The following GNAS variants were observed in gnomAD, a reference collection of about 807,000 sequenced individuals.
GNAS encodes the protein protein ALEX.
A neutral mutation model predicts 54.5 loss-of-function variants in GNAS; 8 were observed. That is an observed-to-expected ratio of 0.15 (90% CI 0.09 to 0.26). GNAS has a LOEUF of 0.26. GNAS is among the 10% of genes least tolerant of loss of function. GNAS has a pLI of 1.00. For missense variants in GNAS, 170 were observed against 529.8 expected (o/e 0.32, Z 6.67); for synonymous variants, 204 against 191.4 (o/e 1.07, Z -0.54).
chr20:58,859,318 A>G (rs761038218), intron 1 of GNAS, among the ~76,000 whole-genome samples: 4 of 152,116 alleles, frequency 2.6e-5, no homozygotes, highest in Non-Finnish European at 4.4e-5. Flanking sequence ...CACCTGCCTC[A>G]GTCTCCAGAG....
upstream of GNAS, chr20:58,888,456 GCTATATC>G (rs2145844740): frequency 6.6e-6 from 1 of 152,364 alleles, no homozygotes; most frequent in East Asian, 1.9e-4. Context: ...CCCGTGCACT[GCTATATC>G]CTAGTGTGCG....
At chr20:58,888,183 T>C (rs2088728574), upstream of GNAS, among the ~76,000 whole-genome samples, 1 of 152,156 alleles carries the variant, frequency 6.6e-6, no homozygotes, top group South Asian at 2.1e-4. Flanking sequence ...GGAAGACAGT[T>C]TGTGGACTTT....
intron 2 of GNAS, 28 bp downstream of exon 2, chr20:58,895,712 A>G (rs1344032190): frequency 7.8e-7 from 1 of 1,284,200 alleles, no homozygotes; most frequent in African/African-American, 1.5e-5. Context: ...GCAGGGGGGC[A>G]CCAAGTAAGA....
At chr20:58,889,158 CT>C, upstream of GNAS, 1 of 1,215,922 alleles carries the variant, frequency 8.2e-7, no homozygotes, top group Non-Finnish European at 1.1e-6. Context: ...GTTAGAAGCT[CT>C]GCTCCCCGGC....
chr20:58,880,998 C>T (rs2088190210), intron 1 of GNAS, among the ~76,000 whole-genome samples: 1 of 152,100 alleles, frequency 6.6e-6, no homozygotes, highest in Non-Finnish European at 1.5e-5. Context: ...TATGTTATAC[C>T]TAAGATTAAA....
intron 1 of GNAS, chr20:58,852,859 C>T: frequency 3.3e-6 from 1 of 301,824 alleles, no homozygotes; most frequent in East Asian, 6.1e-5. Flanking sequence ...GGCACTGGAA[C>T]CGGCGTCCTC....
At chr20:58,877,862 C>T (rs781649572) in intron 1 of GNAS, among the ~76,000 whole-genome samples, 7 of 152,120 alleles carry the variant, frequency 4.6e-5, no homozygotes, top group Non-Finnish European at 1.0e-4. Flanking sequence ...TTCTGGGCTG[C>T]TAGTGTTTAG....
At chr20:58,897,355 C>T (rs2090160867) in intron 2 of GNAS, 1 of 152,210 alleles carries the variant, frequency 6.6e-6, no homozygotes, top group Admixed American at 6.5e-5. Flanking sequence ...ATAAATTTTC[C>T]CCCTGCAACT....
At position 58,855,421 on chromosome 20, in the gene GNAS, C is replaced by A. The variant is rs909845280; in HGVS notation, c.43+14535C>A. On this transcript the variant is annotated intron_variant, in intron 1 of 12. Coordinates refer to the GNAS transcript ENST00000306090. ...GGGCTGCCTGGTGGGGCTAGGGGCTCCGCAGTGGGAGGAGGGGGTCCAGCC... is the reference window on the plus strand; with the variant it reads ...GGGCTGCCTGGTGGGGCTAGGGGCTACGCAGTGGGAGGAGGGGGTCCAGCC... 3.3e-6 allele frequency: 4 copies of A among 1,218,148 alleles called. No individual in the cohort carries two copies. In the African/African-American group the frequency reaches 4.5e-5, roughly 14 times the overall value. The allele number at this position is 1,218,148 out of a possible 1,614,324, so 75.5% of individuals were successfully genotyped here. A position where few individuals can be genotyped will look rare whatever the true frequency, so the allele number is the denominator to read the frequency against.
At chr20:58,890,258 C>T (rs2089033309), upstream of GNAS, among the ~76,000 whole-genome samples, 1 of 150,532 alleles carries the variant, frequency 6.6e-6, no homozygotes, top group Non-Finnish European at 1.5e-5. Flanking sequence ...CCGAGGCCGC[C>T]GCCGCCGCGG....
intron 2 of GNAS, among the ~76,000 whole-genome samples, chr20:58,896,496 C>T (rs532801764): frequency 2.0e-5 from 3 of 151,982 alleles, no homozygotes; most frequent in Non-Finnish European, 4.4e-5. Context: ...ACCTGTGAGA[C>T]GAGTTAGGAA....
Position 58,841,593 on chromosome 20 carries a change from T to C in GNAS, c.43+707T>C, listed in dbSNP as rs2085730526. The C allele has an allele frequency of 9.8e-7, 1 of 1,019,194 alleles. No individual in the cohort carries two copies. 63.1% of individuals were successfully genotyped at this position (1,019,194 alleles called of 1,614,324 possible). ...CGTCGCTCGCGGGACAGAGACCGCC[T>C]CAAAGAGCGTGCGCACCTGCCCGCG... On this transcript the variant is annotated intron_variant, in intron 1 of 12. Coordinates refer to the GNAS transcript ENST00000306090. The surrounding 1 kb of genome is among the most constrained non-coding windows in gnomAD (Gnocchi z 5.0).
Position 58,909,610 on chromosome 20 carries a change from A to G in GNAS, c.718+31A>G, listed in dbSNP as rs2146281471. On this transcript the variant is annotated intron_variant, in intron 9 of 12. Coordinates refer to ENST00000371085, the MANE Select transcript of GNAS (RefSeq NM_000516.7). This position sits in a 1 kb window ranked among gnomAD's most constrained non-coding sequence, Gnocchi z 7.3. ...ATGCTGTGGGCTTGGCTGTTCGTAA[A>G]GAACGCTTTGCTTCTGTGTTGTTAG... 6.2e-7 allele frequency: 1 copy of G among 1,614,166 alleles called. No individual in the cohort carries two copies. The highest frequency in any genetic ancestry group is 8.5e-7 in the Non-Finnish European group (1 of 1,180,006).
chr20:58,854,050 G>C, intron 1 of GNAS: 1 of 1,611,070 alleles, frequency 6.2e-7, no homozygotes, highest in Non-Finnish European at 8.5e-7. Context: ...GCGGCCTCGA[G>C]TGCGGTCCGC....
At chr20:58,895,503 GT>G in intron 1 of GNAS, 108 bp from the exon 2 acceptor site, 1 of 747,256 alleles carries the variant, frequency 1.3e-6, no homozygotes, top group South Asian at 1.5e-5. Context: ...TTTGTGTTTG[GT>G]TTTTTGCATG....
chr20:58,851,345 G>T (rs1169427652), intron 1 of GNAS, among the ~76,000 whole-genome samples: 12 of 152,026 alleles, frequency 7.9e-5, no homozygotes, highest in Non-Finnish European at 1.2e-4. Flanking sequence ...TCGCCCGCCT[G>T]CAGCTCTTAT....
In GNAS at chr20:58,891,495, G is replaced by A. The variant is rs2145906706; in HGVS notation, c.-232G>A. The A allele has an allele frequency of 1.0e-6, 1 of 969,528 alleles. No homozygotes were observed. The highest frequency in any genetic ancestry group is 1.8e-5 in the African/African-American group (1 of 56,120). The allele number at this position is 969,528 out of a possible 1,614,324, so 60.1% of individuals were successfully genotyped here. On this transcript the variant is annotated 5_prime_UTR_variant, in exon 1 of 13. Transcript: ENST00000371085. ...ATCAGCCCCCTCGGCCTCGGCTCGA[G>A]GGGCGGGGAGCTGCGCGCGCCCCTC... is the stretch of plus-strand genomic sequence containing the variant.
intron 1 of GNAS, among the ~76,000 whole-genome samples, chr20:58,870,309 T>G (rs972356100): frequency 2.0e-5 from 3 of 152,234 alleles, no homozygotes; most frequent in Admixed American, 2.0e-4. Context: ...TTTAAAGCTT[T>G]TCTTGCACTT....
chr20:58,843,778 G>A (rs1186374552), intron 1 of GNAS, among the ~76,000 whole-genome samples: 2 of 152,172 alleles, frequency 1.3e-5, no homozygotes, highest in East Asian at 3.8e-4. Context: ...AGGGGAGGGC[G>A]ACCCAAAGGT....
Sources: gnomAD v4.1 joint callset for allele counts (sites outside exome capture counted in the v4.1 genomes callset) on GRCh38, gnomAD v4.1.1 for gene constraint, Gnocchi (gnomAD v3.1) non-coding constraint, MANE v1.5 for transcripts, NCBI Gene and HGNC (gene_info 2026-07-23, HGNC 2026-07-21) for gene names.